Variants in NTM observed in about 807,000 individuals in gnomAD.
NTM encodes the protein neurotrimin.
In NTM, 13 loss-of-function variants were observed where a neutral mutation model predicts 42.1. The observed-to-expected ratio is 0.31, with a 90% CI of 0.20 to 0.49. The LOEUF is 0.49. Among genes scored for constraint, NTM ranks in the 20% least tolerant of loss-of-function variants. The probability of loss-of-function intolerance (pLI) is 0.99; values close to 1 mark genes in which losing one functional copy is unlikely to be tolerated. For synonymous variants in NTM, 187 were observed against 179.2 expected (o/e 1.04, Z -0.35); for missense variants, 373 against 452.8 (o/e 0.82, Z 1.60).
rs140958839 is a variant in NTM, at chr11:131,809,872, C to T, written c.83-101692C>T. On this transcript the variant is annotated intron_variant, in intron 1 of 8. Transcript: ENST00000683400. The stretch of plus-strand genomic sequence containing the variant: ...GCCAGCTGTCCTTCGAAATCACCTA[C>T]GAGATTTGTTTCCAAATTCCTGCCT... Among the ~76,000 whole-genome samples, 579 of 152,306 alleles carry T rather than the reference C, an allele frequency of 3.8e-3. 1 individual carries two copies. Among genetic ancestry groups the T allele is most frequent in the East Asian group, 0.016 (83 of 5,180 alleles).
intron 2 of NTM, among the ~76,000 whole-genome samples, chr11:131,949,535 A>G (rs1366702758): frequency 1.3e-5 from 2 of 152,156 alleles, no homozygotes; most frequent in African/African-American, 2.4e-5. Context: ...GCGTTGCACA[A>G]AGAGAAACTT....
chr11:131,968,784 C>T (rs1046073818), intron 2 of NTM, among the ~76,000 whole-genome samples: 4 of 152,098 alleles, frequency 2.6e-5, no homozygotes, highest in African/African-American at 7.2e-5. Context: ...AAATGCATTT[C>T]GTATAGAGCT....
At chr11:132,186,430 G>A (rs146263786) in intron 3 of NTM, among the ~76,000 whole-genome samples, 14 of 152,284 alleles carry the variant, frequency 9.2e-5, no homozygotes, top group Middle Eastern at 3.4e-3. Context: ...GATCTCTAAC[G>A]CAGCCTTCTC....
At chr11:132,217,887 C>G (rs1458865414) in intron 4 of NTM, among the ~76,000 whole-genome samples, 1 of 152,104 alleles carries the variant, frequency 6.6e-6, no homozygotes, top group Non-Finnish European at 1.5e-5. Flanking sequence ...CCTCACCCCA[C>G]CATACATCCA....
intron 2 of NTM, among the ~76,000 whole-genome samples, chr11:131,925,714 C>A (rs113079608): frequency 0.044 from 6,622 of 152,098 alleles, 169 homozygotes; most frequent in Middle Eastern, 0.12. Context: ...GAAGAGAAAC[C>A]AGGTGGTGGA....
intron 1 of NTM, among the ~76,000 whole-genome samples, chr11:131,894,599 T>G (rs1337277757): frequency 6.6e-6 from 1 of 152,134 alleles, no homozygotes; most frequent in Non-Finnish European, 1.5e-5. Flanking sequence ...TTCCATCTGC[T>G]TGCACCCTTC....
chr11:131,817,634 C>T (rs1204858281), intron 1 of NTM, among the ~76,000 whole-genome samples: 1 of 152,180 alleles, frequency 6.6e-6, no homozygotes, highest in Non-Finnish European at 1.5e-5. Flanking sequence ...GTGCAGCATG[C>T]AGCTGGGTAT....
At chr11:132,263,631 C>A (rs2093003960) in intron 4 of NTM, among the ~76,000 whole-genome samples, 1 of 152,030 alleles carries the variant, frequency 6.6e-6, no homozygotes, top group Non-Finnish European at 1.5e-5. Flanking sequence ...ATCTTCAATT[C>A]ATTTCCCTTT....
At chr11:131,991,640 G>C (rs948763720) in intron 2 of NTM, among the ~76,000 whole-genome samples, 1 of 152,108 alleles carries the variant, frequency 6.6e-6, no homozygotes, top group African/African-American at 2.4e-5. Flanking sequence ...GCTATTTTAG[G>C]ACACAGGGAA....
chr11:131,631,056 A>C (rs993869634), intron 1 of NTM, among the ~76,000 whole-genome samples: 1 of 152,216 alleles, frequency 6.6e-6, no homozygotes, highest in Non-Finnish European at 1.5e-5. Context: ...GTGAAATCAA[A>C]TAACTGAGGA....
At chr11:132,250,382 G>A (rs755123483) in intron 4 of NTM, among the ~76,000 whole-genome samples, 1 of 152,034 alleles carries the variant, frequency 6.6e-6, no homozygotes, top group Non-Finnish European at 1.5e-5. Flanking sequence ...CTTTTCTTCA[G>A]ATTTGTTAGT....
chr11:132,314,177 A>G (rs953587429), intron 6 of NTM, among the ~76,000 whole-genome samples: 1 of 151,510 alleles, frequency 6.6e-6, no homozygotes, highest in Admixed American at 6.6e-5. Flanking sequence ...CATCACCATC[A>G]CCATCATCAT....
intron 1 of NTM, among the ~76,000 whole-genome samples, chr11:131,870,545 G>A (rs1451136474): frequency 6.6e-6 from 1 of 152,096 alleles, no homozygotes; most frequent in Admixed American, 6.6e-5. Flanking sequence ...GTGAGCCAGC[G>A]AGGGCCCTCC....
chr11:131,521,316 GAAATAAATAAAT>G lies in NTM; in HGVS notation c.82+150461_82+150472del, dbSNP rs201311970. On this transcript the variant is annotated intron_variant, in intron 1 of 8. Coordinates refer to ENST00000683400, the MANE Select transcript of NTM (RefSeq NM_001352005.2). ...GGTGACAGAGTGAGACTCCATCTCA[GAAATAAATAAAT>G]AAATAAATAAATAAATAAATAAATA... Among the ~76,000 whole-genome samples, 638 of 109,644 alleles carry G rather than the reference GAAATAAATAAAT, an allele frequency of 5.8e-3. 6 individuals are homozygous for G. Among genetic ancestry groups the G allele is most frequent in the African/African-American group, 0.019 (533 of 27,458 alleles). The allele number at this position is 109,644 out of a possible 152,430, so 71.9% of individuals were successfully genotyped here.
Position 132,297,544 on chromosome 11 carries a change from G to A in NTM, c.527-10145G>A, listed in dbSNP as rs541981256. Reference sequence around the variant, plus strand: ...GGGAAAAGACTTTCCCCCATTTAGTGAAAAAAGAACTCCCCAGATCGATAT... The same window carrying A: ...GGGAAAAGACTTTCCCCCATTTAGTAAAAAAAGAACTCCCCAGATCGATAT... On this transcript the variant is annotated intron_variant, in intron 4 of 8. Transcript: ENST00000683400. Among the ~76,000 whole-genome samples, 86 of 152,232 alleles carry A rather than the reference G, an allele frequency of 5.6e-4. 1 individual carries two copies. In the South Asian group the frequency reaches 0.015, roughly 27 times the overall value.
chr11:131,463,695 C>G (rs76376223), intron 1 of NTM, among the ~76,000 whole-genome samples: 10 of 152,198 alleles, frequency 6.6e-5, no homozygotes, highest in Non-Finnish European at 1.5e-5. Context: ...ATAAACCTGG[C>G]CCCTGCAAAT....
intron 4 of NTM, among the ~76,000 whole-genome samples, chr11:132,274,665 T>C (rs1047088478): frequency 1.3e-5 from 2 of 152,192 alleles, no homozygotes; most frequent in Non-Finnish European, 2.9e-5. Flanking sequence ...CAAAATTTAT[T>C]GGAACTTGCT....
intron 4 of NTM, among the ~76,000 whole-genome samples, chr11:132,271,161 G>A (rs2093459991): frequency 2.0e-5 from 3 of 152,032 alleles, no homozygotes; most frequent in African/African-American, 4.8e-5. Context: ...TATATCTTTT[G>A]TCTTTTGCCA....
intron 2 of NTM, among the ~76,000 whole-genome samples, chr11:132,135,076 G>A (rs111627206): frequency 9.2e-5 from 14 of 152,064 alleles, no homozygotes; most frequent in African/African-American, 2.4e-4. Flanking sequence ...AATGTCCCTC[G>A]TTAGTACCTA....
Sources: gnomAD v4.1 joint callset for allele counts (sites outside exome capture counted in the v4.1 genomes callset) on GRCh38, gnomAD v4.1.1 for gene constraint, MANE v1.5 for transcripts, NCBI Gene and HGNC (gene_info 2026-07-23, HGNC 2026-07-21) for gene names.